The following BTBD9 variants were observed in gnomAD, a reference collection of about 807,000 sequenced individuals.
BTBD9 encodes the protein BTB/POZ domain-containing protein 9.
In BTBD9, 49 loss-of-function variants were observed where a neutral mutation model predicts 64.3. The ratio of observed to expected loss-of-function variants is 0.76; its 90% CI spans 0.61 to 0.97. The LOEUF (loss-of-function observed/expected upper bound fraction) is 0.97. Among genes scored for constraint, BTBD9 ranks in the 50% least tolerant of loss-of-function variants. The pLI is 0.00. For missense variants in BTBD9, 598 were observed against 762.1 expected (o/e 0.78, Z 2.53); for synonymous variants, 260 against 274.7 (o/e 0.95, Z 0.53).
chr6:38,224,232 T>C (rs1326337139), intron 9 of BTBD9, among the ~76,000 whole-genome samples: 2 of 152,090 alleles, frequency 1.3e-5, no homozygotes, highest in South Asian at 2.1e-4. Flanking sequence ...AAAAAACTTA[T>C]GAGGTATGGA....
At chr6:38,606,655 C>G (rs1416850550) in intron 1 of BTBD9, among the ~76,000 whole-genome samples, 1 of 152,044 alleles carries the variant, frequency 6.6e-6, no homozygotes, top group Non-Finnish European at 1.5e-5. Context: ...ACAAATTAAC[C>G]ATTTTATAGT....
chr6:38,534,470 C>A, intron 6 of BTBD9, among the ~76,000 whole-genome samples: 1 of 135,538 alleles, frequency 7.4e-6, no homozygotes. Context: ...TCTACTCAAA[C>A]TGTTCAAAAA....
chr6:38,407,469 C>T (rs1434543629), intron 6 of BTBD9, among the ~76,000 whole-genome samples: 2 of 151,916 alleles, frequency 1.3e-5, no homozygotes, highest in African/African-American at 4.8e-5. Context: ...CTGGCTATGC[C>T]CGGATCAGGA....
chr6:38,314,879 T>C (rs1016801932), intron 7 of BTBD9, among the ~76,000 whole-genome samples: 1 of 152,220 alleles, frequency 6.6e-6, no homozygotes, highest in African/African-American at 2.4e-5. Flanking sequence ...AGACAAAGTC[T>C]TGCTCTGTCG....
chr6:38,574,110 C>T (rs1020457221), intron 6 of BTBD9, among the ~76,000 whole-genome samples: 1 of 152,190 alleles, frequency 6.6e-6, no homozygotes, highest in African/African-American at 2.4e-5. Flanking sequence ...CTACATAGAG[C>T]AATCCCCACT....
intron 6 of BTBD9, among the ~76,000 whole-genome samples, chr6:38,544,927 CAAAAAAAAAAAAAAAAA>C (rs58694810): frequency 6.2e-5 from 3 of 48,284 alleles, no homozygotes; most frequent in East Asian, 1.5e-3. Context: ...AACTACATCT[CAAAAAAAAAAAAAAAAA>C]AAAAAAAAAA....
chr6:38,591,990 G>A (rs1443077864), intron 4 of BTBD9, among the ~76,000 whole-genome samples: 1 of 152,026 alleles, frequency 6.6e-6, no homozygotes, highest in African/African-American at 2.4e-5. Flanking sequence ...TTTGAGACCA[G>A]CCTGGCCAAC....
intron 10 of BTBD9, among the ~76,000 whole-genome samples, chr6:38,180,296 G>C (rs548312444): frequency 6.6e-6 from 1 of 152,222 alleles, no homozygotes; most frequent in Non-Finnish European, 1.5e-5. Flanking sequence ...TGGTGGCCAC[G>C]CTGCTGGGGC....
intron 6 of BTBD9, among the ~76,000 whole-genome samples, chr6:38,392,024 A>G (rs933761719): frequency 1.8e-4 from 27 of 152,146 alleles, no homozygotes; most frequent in Non-Finnish European, 2.9e-5. Flanking sequence ...TTTGGATCAC[A>G]TGGAGGAAAA....
chr6:38,485,501 G>C (rs1328652463), intron 6 of BTBD9, among the ~76,000 whole-genome samples: 1 of 152,204 alleles, frequency 6.6e-6, no homozygotes, highest in Non-Finnish European at 1.5e-5. Flanking sequence ...GTGTTAACAG[G>C]CATGAAAACA....
chr6:38,202,131 C>A (rs1762487914), intron 9 of BTBD9, among the ~76,000 whole-genome samples: 1 of 137,258 alleles, frequency 7.3e-6, no homozygotes, highest in South Asian at 2.4e-4. Flanking sequence ...TGTTGCCAGG[C>A]TGGAGTGCAG....
At chr6:38,386,177 T>C (rs1336115561) in intron 6 of BTBD9, among the ~76,000 whole-genome samples, 1 of 152,200 alleles carries the variant, frequency 6.6e-6, no homozygotes, top group Admixed American at 6.5e-5. Context: ...CTTTATTTAA[T>C]TTTTGTTATT....
chr6:38,578,091 G>A (rs1449744358), intron 5 of BTBD9, among the ~76,000 whole-genome samples: 3 of 152,080 alleles, frequency 2.0e-5, no homozygotes, highest in Non-Finnish European at 4.4e-5. Context: ...ATGATGCCAC[G>A]AGAGAGAGAA....
At chr6:38,309,334 A>C (rs541322791) in intron 7 of BTBD9, among the ~76,000 whole-genome samples, 10 of 151,584 alleles carry the variant, frequency 6.6e-5, no homozygotes, top group African/African-American at 2.2e-4. Context: ...ATACCATTGC[A>C]CTCTGGCCTT....
At position 38,577,721 on chromosome 6, in the gene BTBD9, T is replaced by C; in HGVS notation, c.1035-2A>G. 6.2e-7 allele frequency: 1 copy of C among 1,600,896 alleles called. No individual in the cohort carries two copies. ...ACTTCAATGAAGTATGAGTAAGACC[T>C]GTGAATCAAAAGGAAAAAGCAGAAA... On this transcript the variant is annotated splice_acceptor_variant, in intron 5 of 10. Transcript: ENST00000481247. LOFTEE classifies it high-confidence loss of function.
chr6:38,455,212 T>C (rs1043856229), intron 6 of BTBD9, among the ~76,000 whole-genome samples: 2 of 152,226 alleles, frequency 1.3e-5, no homozygotes, highest in Non-Finnish European at 2.9e-5. Context: ...CTCATGTACT[T>C]ACCACCACAA....
chr6:38,586,052 T>G (rs1337883261), intron 4 of BTBD9, among the ~76,000 whole-genome samples: 1 of 152,076 alleles, frequency 6.6e-6, no homozygotes, highest in Non-Finnish European at 1.5e-5. Flanking sequence ...TCAATAAAGA[T>G]ATCTTGAGGA....
At position 38,605,717 on chromosome 6, in the gene BTBD9, C is replaced by T. The variant is rs1310531750; in HGVS notation, c.-27-7596G>A. 2.6e-5 allele frequency among the ~76,000 whole-genome samples: 4 copies of T among 152,126 alleles called. No individual in the cohort carries two copies. The East Asian group carries it at 5.8e-4, about 22-fold the overall frequency. On this transcript the variant is annotated intron_variant, in intron 1 of 10. Coordinates refer to ENST00000481247, the MANE Select transcript of BTBD9 (RefSeq NM_001099272.2). The stretch of plus-strand genomic sequence containing the variant: ...TCTGCAGTCCCAGCTACTAGGGAGG[C>T]TGAAGCAGGAGGATTGCTTGAGCCC...
chr6:38,386,630 C>CTTTTTTT (rs11423572), intron 6 of BTBD9, among the ~76,000 whole-genome samples: 1 of 92,780 alleles, frequency 1.1e-5, no homozygotes, highest in Non-Finnish European at 2.0e-5. Context: ...CCAGTTTACT[C>CTTTTTTT]TTTTTTTTTT....
Sources: gnomAD v4.1 joint callset for allele counts (sites outside exome capture counted in the v4.1 genomes callset) on GRCh38, gnomAD v4.1.1 for gene constraint, MANE v1.5 for transcripts, NCBI Gene and HGNC (gene_info 2026-07-23, HGNC 2026-07-21) for gene names.